The following PLXNA4 variants were observed in gnomAD, a reference collection of about 807,000 sequenced individuals.
PLXNA4 encodes plexin A4.
In PLXNA4, 44 loss-of-function variants were observed where a neutral mutation model predicts 191.8. That is an observed-to-expected ratio of 0.23 (90% CI 0.18 to 0.29). The LOEUF (loss-of-function observed/expected upper bound fraction) is 0.29, where lower values mean the gene tolerates loss of function less well. PLXNA4 is among the 10% of genes least tolerant of loss of function. The pLI, the probability that PLXNA4 is intolerant of heterozygous loss-of-function variation, is 1.00. For synonymous variants in PLXNA4, 1,082 were observed against 1,009.5 expected, an observed-to-expected ratio of 1.07 and a Z score of -1.36; for missense variants, 1,800 against 2,488.8, an observed-to-expected ratio of 0.72 and a Z score of 5.89.
intron 31 of PLXNA4, among the ~76,000 whole-genome samples, chr7:132,132,495 CTTTTCT>C (rs1183292090): frequency 3.2e-5 from 1 of 31,418 alleles, no homozygotes; most frequent in African/African-American, 9.8e-5. Context: ...CTGCTCTATT[CTTTTCT>C]ATTCTATTCT....
intron 3 of PLXNA4, among the ~76,000 whole-genome samples, chr7:132,339,643 C>T (rs1412548839): frequency 6.6e-6 from 1 of 151,984 alleles, no homozygotes; most frequent in Non-Finnish European, 1.5e-5. Context: ...ATGAATAAAC[C>T]TTAATATAAC....
chr7:132,447,290 C>A (rs939428121), intron 3 of PLXNA4, among the ~76,000 whole-genome samples: 3 of 152,198 alleles, frequency 2.0e-5, no homozygotes, highest in African/African-American at 4.8e-5. Context: ...GCCCTCTAGA[C>A]TCTGTCCCCA....
chr7:132,433,076 A>G (rs1795331568), intron 3 of PLXNA4, among the ~76,000 whole-genome samples: 1 of 152,232 alleles, frequency 6.6e-6, no homozygotes, highest in Non-Finnish European at 1.5e-5. Context: ...AATGGGCAAC[A>G]GGGCCAACAA....
intron 3 of PLXNA4, among the ~76,000 whole-genome samples, chr7:132,343,590 A>G (rs1363164917): frequency 6.6e-6 from 1 of 152,222 alleles, no homozygotes; most frequent in African/African-American, 2.4e-5. Context: ...TGGGAAACTG[A>G]GGCTCAGAAG....
chr7:132,358,660 T>C (rs1040841667), intron 3 of PLXNA4, among the ~76,000 whole-genome samples: 4 of 152,222 alleles, frequency 2.6e-5, no homozygotes, highest in African/African-American at 9.6e-5. Flanking sequence ...TGACAGTGAC[T>C]TGGGTAGGTG....
chr7:132,288,480 G>A (rs535606346), intron 4 of PLXNA4, among the ~76,000 whole-genome samples: 1 of 152,306 alleles, frequency 6.6e-6, no homozygotes, highest in South Asian at 2.1e-4. Flanking sequence ...GTGAAATTGG[G>A]TGAAACATTG....
intron 4 of PLXNA4, among the ~76,000 whole-genome samples, chr7:132,281,495 T>G (rs771441760): frequency 6.6e-6 from 1 of 152,226 alleles, no homozygotes; most frequent in South Asian, 2.1e-4. Flanking sequence ...TAGAAGATTC[T>G]GTTTCCAAGT....
intron 4 of PLXNA4, among the ~76,000 whole-genome samples, chr7:132,269,614 C>T (rs1234074085): frequency 3.3e-5 from 5 of 152,146 alleles, no homozygotes; most frequent in Non-Finnish European, 7.3e-5. Context: ...AAAAAGCTGA[C>T]CCACTGGTGG....
chr7:132,321,671 G>A (rs78884803), intron 3 of PLXNA4, among the ~76,000 whole-genome samples: 7,655 of 152,276 alleles, frequency 0.05, 634 homozygotes, highest in African/African-American at 0.17. Flanking sequence ...AGGGAGCCCC[G>A]GGGGACACGT....
Position 132,507,705 on chromosome 7 carries a change from G to A in PLXNA4, c.989C>T (p.Pro330Leu), listed in dbSNP as rs761645761. The A allele has an allele frequency of 1.2e-6, 2 of 1,614,204 alleles. No individual in the cohort carries two copies. Among genetic ancestry groups the A allele is most frequent in the South Asian group, 2.2e-5 (2 of 91,086 alleles). Residue 330 changes from proline to leucine, a missense_variant, in exon 2 of 32, where the codon CCA becomes CTA. Physicochemically the swap from Pro to Leu is moderately conservative, Grantham distance 98. Coordinates refer to ENST00000321063, the MANE Select transcript of PLXNA4 (RefSeq NM_020911.2). ...GACGGTGAAGAGCAGGTCATCATCT[G>A]GATGGACTCCAAGGGTCCTGCCAAG... The part of the protein sequence containing the change: ...AVLGRTLGVH[P>L]DDDLLFTVFS...
intron 3 of PLXNA4, among the ~76,000 whole-genome samples, chr7:132,408,442 A>G (rs1243052130): frequency 7.5e-6 from 1 of 132,586 alleles, no homozygotes; most frequent in Non-Finnish European, 1.5e-5. Flanking sequence ...TTTGAACACA[A>G]AAACACTTTA....
chr7:132,407,261 C>G (rs1794260561), intron 3 of PLXNA4, among the ~76,000 whole-genome samples: 1 of 152,152 alleles, frequency 6.6e-6, no homozygotes, highest in African/African-American at 2.4e-5. Flanking sequence ...GACTCGGAGG[C>G]CCTCTGAACA....
chr7:132,316,008 T>G (rs1465972093), intron 3 of PLXNA4, among the ~76,000 whole-genome samples: 3 of 152,256 alleles, frequency 2.0e-5, no homozygotes, highest in African/African-American at 7.2e-5. Flanking sequence ...GGGGAAGTGT[T>G]GTATGTTTCC....
At chr7:132,450,921 C>T (rs1796098024) in intron 3 of PLXNA4, among the ~76,000 whole-genome samples, 1 of 152,176 alleles carries the variant, frequency 6.6e-6, no homozygotes, top group Non-Finnish European at 1.5e-5. Flanking sequence ...AGGTCCTCTG[C>T]AGGGGTGGAA....
intron 4 of PLXNA4, among the ~76,000 whole-genome samples, chr7:132,293,361 G>A (rs1036856495): frequency 3.9e-5 from 6 of 152,122 alleles, no homozygotes; most frequent in South Asian, 2.1e-4. Flanking sequence ...CTTACATGGC[G>A]GCAGGGAAGA....
At chr7:132,399,770 C>T (rs1793910342) in intron 3 of PLXNA4, among the ~76,000 whole-genome samples, 2 of 152,212 alleles carry the variant, frequency 1.3e-5, no homozygotes, top group African/African-American at 4.8e-5. Context: ...TGAAAGTAGA[C>T]TGCTCTTAAC....
intron 1 of PLXNA4, among the ~76,000 whole-genome samples, chr7:132,512,509 AC>A (rs1288850485): frequency 6.6e-6 from 1 of 152,188 alleles, no homozygotes; most frequent in African/African-American, 2.4e-5. Flanking sequence ...AGAAACAATA[AC>A]ATGTACTGGG....
intron 4 of PLXNA4, among the ~76,000 whole-genome samples, chr7:132,293,816 T>A (rs1303902284): frequency 6.6e-6 from 1 of 152,178 alleles, no homozygotes; most frequent in East Asian, 1.9e-4. Context: ...TCCACTAAGA[T>A]CTGGGAATAC....
At chr7:132,416,235 T>A (rs753412927) in intron 3 of PLXNA4, among the ~76,000 whole-genome samples, 3 of 152,170 alleles carry the variant, frequency 2.0e-5, no homozygotes, top group Non-Finnish European at 2.9e-5. Flanking sequence ...CATTAACATG[T>A]GAGTTCTTCC....
Sources: gnomAD v4.1 joint callset for allele counts (sites outside exome capture counted in the v4.1 genomes callset) on GRCh38, gnomAD v4.1.1 for gene constraint, MANE v1.5 for transcripts, NCBI Gene and HGNC (gene_info 2026-07-23, HGNC 2026-07-21) for gene names.